The following KLK10 variants were observed in gnomAD, a reference collection of about 807,000 sequenced individuals.
The protein encoded by KLK10 is kallikrein related peptidase 10.
A neutral mutation model predicts 25.7 loss-of-function variants in KLK10; 27 were observed. The ratio of observed to expected loss-of-function variants is 1.05; its 90% CI spans 0.77 to 1.45. The LOEUF is 1.45. Among genes scored for constraint, KLK10 ranks in the 40% most tolerant of loss-of-function variants. The pLI is 0.00. For synonymous variants in KLK10, 173 were observed against 160.1 expected (o/e 1.08, Z -0.61); for missense variants, 386 against 370.0 (o/e 1.04, Z -0.35).
intron 3 of KLK10, among the ~76,000 whole-genome samples, 198 bp downstream of exon 3, chr19:51,016,912 C>G (rs574504987): frequency 6.6e-6 from 1 of 152,096 alleles, no homozygotes; most frequent in Admixed American, 6.6e-5. Flanking sequence ...AGAGGAGTGA[C>G]GGGCCCAGAA....
At position 51,014,727 on chromosome 19, in the gene KLK10, G is replaced by T; in HGVS notation, c.*73C>A. On this transcript the variant is annotated 3_prime_UTR_variant, in exon 6 of 6. Coordinates refer to ENST00000358789, the MANE Select transcript of KLK10 (RefSeq NM_145888.3). ...TCAGCCGACTGGGGAGGAAGAGGAT[G>T]GACGATGGAGCCTCTGGGCATCTGG... The T allele has an allele frequency of 6.6e-7, 1 of 1,507,426 alleles. No homozygotes were observed. The highest frequency in any genetic ancestry group is 1.2e-5 in the South Asian group (1 of 82,886). 93.4% of individuals were successfully genotyped at this position (1,507,426 alleles called of 1,614,324 possible).
At chr19:51,019,958 G>C (rs1254534959), upstream of KLK10, 1 of 152,086 alleles carries the variant, frequency 6.6e-6, no homozygotes, top group Non-Finnish European at 1.5e-5. This position sits in a 1 kb window ranked among gnomAD's most constrained non-coding sequence, Gnocchi z 4.2. Context: ...CCGGGTCCCG[G>C]TGCCAAGAAG....
In KLK10 at chr19:51,013,123, A is replaced by G. The variant is rs1054146938; in HGVS notation, c.*1677T>C. The G allele has an allele frequency of 6.6e-6, 1 of 152,066 alleles. No homozygotes were observed. The highest frequency in any genetic ancestry group is 2.4e-5 in the African/African-American group (1 of 41,376). The allele number at this position is 152,066 out of a possible 1,614,324, so 9.4% of individuals were successfully genotyped here. A position where few individuals can be genotyped will look rare whatever the true frequency, so the allele number is the denominator to read the frequency against. ...AACCCAGCTGATACGCCTGTCTGAC[A>G]TTTCCTGCGTGTGCTAATGGGGGCA... On this transcript the variant is annotated 3_prime_UTR_variant, in exon 6 of 6. Coordinates refer to ENST00000358789, the MANE Select transcript of KLK10 (RefSeq NM_145888.3).
chr19:51,019,187 G>A lies in KLK10; in HGVS notation c.-9-48C>T. The A allele has an allele frequency of 7.7e-7, 1 of 1,305,266 alleles. No homozygotes were observed. The highest frequency in any genetic ancestry group is 1.3e-5 in the South Asian group (1 of 77,378). 80.9% of individuals were successfully genotyped at this position (1,305,266 alleles called of 1,614,324 possible). On this transcript the variant is annotated intron_variant, in intron 1 of 5. Coordinates refer to ENST00000358789, the MANE Select transcript of KLK10 (RefSeq NM_145888.3). The surrounding 1 kb of genome is among the most constrained non-coding windows in gnomAD (Gnocchi z 4.2). Reference sequence around the variant, plus strand: ...GGGTTAAAACAGATGCTCCGTTAGAGACCCCCACCTCGCCGCGCTCATCCG... The same window carrying A: ...GGGTTAAAACAGATGCTCCGTTAGAAACCCCCACCTCGCCGCGCTCATCCG...
At position 51,016,176 on chromosome 19, in the gene KLK10, T is replaced by A; in HGVS notation, c.270-20A>T. On this transcript the variant is annotated intron_variant, in intron 3 of 5. Coordinates refer to ENST00000358789, the MANE Select transcript of KLK10 (RefSeq NM_145888.3). The stretch of plus-strand genomic sequence containing the variant: ...AGTGGCCTGGGGGAAGGAAGAGGCA[T>A]GTGAAGGCAAACCCTTCATAGGGAC... 6.4e-7 allele frequency: 1 copy of A among 1,552,134 alleles called. No homozygotes were observed. The highest frequency in any genetic ancestry group is 8.7e-7 in the Non-Finnish European group (1 of 1,149,600).
At chr19:51,015,290 G>T in intron 5 of KLK10, 127 bp downstream of exon 5, 1 of 1,072,492 alleles carries the variant, frequency 9.3e-7, no homozygotes, top group Non-Finnish European at 1.4e-6. Flanking sequence ...GTTAGGTCTG[G>T]GTAAGAGTTG....
chr19:51,014,984 A>C (rs1370684393), intron 5 of KLK10, 32 bp from the exon 6 acceptor site: 1 of 1,602,228 alleles, frequency 6.2e-7, no homozygotes, highest in South Asian at 1.1e-5. Flanking sequence ...GATCAAATAA[A>C]TGTGCCAACG....
At position 51,019,413 on chromosome 19, in the gene KLK10, C is replaced by A. The variant is rs1328195992; in HGVS notation, c.-10+214G>T. Among the ~76,000 whole-genome samples the A allele has an allele frequency of 1.3e-5, 2 of 152,228 alleles. No homozygotes were observed. The highest frequency in any genetic ancestry group is 2.9e-5 in the Non-Finnish European group (2 of 68,032). The stretch of plus-strand genomic sequence containing the variant: ...CCCAGCTACCCTGGCTGCAGCCACG[C>A]CGCGCCCGAGGTTTCCCCCTCCTTC... On this transcript the variant is annotated intron_variant, in intron 1 of 5. Transcript: ENST00000358789. This position sits in a 1 kb window ranked among gnomAD's most constrained non-coding sequence, Gnocchi z 4.2.
Position 51,019,287 on chromosome 19 carries a change from A to G in KLK10, c.-9-148T>C, listed in dbSNP as rs763985198. 8.2e-5 allele frequency: 47 copies of G among 576,556 alleles called. No homozygotes were observed. Among genetic ancestry groups the G allele is most frequent in the Non-Finnish European group, 1.4e-4 (45 of 326,862 alleles). 35.7% of individuals were successfully genotyped at this position (576,556 alleles called of 1,614,324 possible). ...ATAACCCCAGGGGCTGGCAGACGGGAGATTCGGGCTGGAACAGCGGTAATG... is the reference window on the plus strand; with the variant it reads ...ATAACCCCAGGGGCTGGCAGACGGGGGATTCGGGCTGGAACAGCGGTAATG... On this transcript the variant is annotated intron_variant, in intron 1 of 5. Coordinates refer to ENST00000358789, the MANE Select transcript of KLK10 (RefSeq NM_145888.3). This position sits in a 1 kb window ranked among gnomAD's most constrained non-coding sequence, Gnocchi z 4.2.
Position 51,019,060 on chromosome 19 carries a change from A to C in KLK10, c.71T>G (p.Leu24Arg), listed in dbSNP as rs938322221. The C allele has an allele frequency of 6.2e-7, 1 of 1,604,018 alleles. No individual in the cohort carries two copies. Among genetic ancestry groups the C allele is most frequent in the Admixed American group, 1.7e-5 (1 of 59,908 alleles). The change falls in exon 2 of 6, where the codon CTG becomes CGG. Residue 24 changes from leucine (L) to arginine (R), a missense_variant. Physicochemically the swap from Leu to Arg is moderately radical, Grantham distance 102. Transcript: ENST00000358789. The surrounding 1 kb of genome is among the most constrained non-coding windows in gnomAD (Gnocchi z 4.2). Reference sequence around the variant, plus strand: ...GACCTTACCCCAGAGTTGCGCCATCAGCAGCGGCAGCAGCTTCGCCAGAGC... The same window carrying C: ...GACCTTACCCCAGAGTTGCGCCATCCGCAGCGGCAGCAGCTTCGCCAGAGC... ...ARALAKLLPL[L>R]MAQLWAAEAA...
chr19:51,017,297 A>G lies in KLK10; in HGVS notation c.89-7T>C, dbSNP rs1483836115. 1 of 1,597,660 alleles carries G rather than the reference A, an allele frequency of 6.3e-7. No individual in the cohort carries two copies. The highest frequency in any genetic ancestry group is 8.5e-7 in the Non-Finnish European group (1 of 1,173,456). ...AGCAGCGCCGCCTCTGCGGCTGGAG[A>G]AAGAAAGGGGACGGAATCAAAGCAC... On this transcript the variant is annotated splice_polypyrimidine_tract_variant and splice_region_variant and intron_variant, in intron 2 of 5. Coordinates refer to ENST00000358789, the MANE Select transcript of KLK10 (RefSeq NM_145888.3).
chr19:51,015,856 T>C, intron 4 of KLK10, 26 bp downstream of exon 4: 1 of 1,492,720 alleles, frequency 6.7e-7, no homozygotes. Flanking sequence ...CTCCTGAGGT[T>C]CCGGCCTCAG....
rs377284595 is a variant in KLK10 at position 51,015,737 on chromosome 19, C to G, written c.544+145G>C. 2.4e-4 allele frequency: 260 copies of G among 1,079,388 alleles called. 1 individual carries two copies. The East Asian group carries it at 6.1e-3, about 25-fold the overall frequency. The allele number at this position is 1,079,388 out of a possible 1,614,324, so 66.9% of individuals were successfully genotyped here. Reference sequence around the variant, plus strand: ...GCCCCCAGCCCCTCCTCCCCTCAGACTCACAGACCCAGGCATCTAGGACCC... The same window carrying G: ...GCCCCCAGCCCCTCCTCCCCTCAGAGTCACAGACCCAGGCATCTAGGACCC... On this transcript the variant is annotated intron_variant, in intron 4 of 5. Coordinates refer to ENST00000358789, the MANE Select transcript of KLK10 (RefSeq NM_145888.3).
intron 5 of KLK10, among the ~76,000 whole-genome samples, chr19:51,015,212 T>G (rs2091308413): frequency 6.8e-6 from 1 of 146,450 alleles, no homozygotes; most frequent in African/African-American, 2.5e-5. Context: ...GGGATGAAAA[T>G]GGGCTTGGAG....
Position 51,019,189 on chromosome 19 carries a change from C to A in KLK10, c.-9-50G>T, listed in dbSNP as rs2091377140. 7.8e-7 allele frequency: 1 copy of A among 1,279,324 alleles called. No individual in the cohort carries two copies. The highest frequency in any genetic ancestry group is 1.1e-6 in the Non-Finnish European group (1 of 920,618). 79.2% of individuals were successfully genotyped at this position (1,279,324 alleles called of 1,614,324 possible). On this transcript the variant is annotated intron_variant, in intron 1 of 5. Transcript: ENST00000358789. The surrounding 1 kb of genome is among the most constrained non-coding windows in gnomAD (Gnocchi z 4.2). Reference sequence around the variant, plus strand: ...GTTAAAACAGATGCTCCGTTAGAGACCCCCACCTCGCCGCGCTCATCCGCC... The same window carrying A: ...GTTAAAACAGATGCTCCGTTAGAGAACCCCACCTCGCCGCGCTCATCCGCC...
At position 51,019,600 on chromosome 19, in the gene KLK10, A is replaced by C. The variant is rs1600144717; in HGVS notation, c.-10+27T>G. ...ACCCATCCTCTCGCAATCCACCCCAACCCGGGTGGGGTGCAGGTAGCTTCA... is the reference window on the plus strand; with the variant it reads ...ACCCATCCTCTCGCAATCCACCCCACCCCGGGTGGGGTGCAGGTAGCTTCA... On this transcript the variant is annotated intron_variant, in intron 1 of 5. Coordinates refer to ENST00000358789, the MANE Select transcript of KLK10 (RefSeq NM_145888.3). The surrounding 1 kb of genome is among the most constrained non-coding windows in gnomAD (Gnocchi z 4.2). 1 of 153,138 alleles carries C rather than the reference A, an allele frequency of 6.5e-6. No individual in the cohort carries two copies. The highest frequency in any genetic ancestry group is 1.5e-5 in the Non-Finnish European group (1 of 68,890). 9.5% of individuals were successfully genotyped at this position (153,138 alleles called of 1,614,324 possible).
Position 51,014,850 on chromosome 19 carries a change from G to C in KLK10, c.781C>G (p.Gln261Glu), listed in dbSNP as rs137921903. The change falls in exon 6 of 6, where the codon CAG becomes GAG. Residue 261 changes from glutamine to glutamate, a missense_variant. Physicochemically the swap from Gln to Glu is conservative, Grantham distance 29. Transcript: ENST00000358789. ...GSAQHPAVYT[Q>E]ICKYMSWINK... ...ATCCAGGACATGTATTTGCAGATCT[G>C]GGTGTAGACAGCTGGATGCTGGGCA... 3.1e-5 allele frequency: 50 copies of C among 1,614,012 alleles called. No homozygotes were observed. Among genetic ancestry groups the C allele is most frequent in the Non-Finnish European group, 4.0e-5 (47 of 1,179,984 alleles).
rs1292141067 is a variant in KLK10 at position 51,015,475 on chromosome 19, C to T, written c.620G>A (p.Gly207Asp). The change falls in exon 5 of 6, where the codon GGC (glycine) becomes GAC (aspartate). Residue 207 changes from glycine (G) to aspartate (D), a missense_variant. Physicochemically the swap from Gly to Asp is moderately conservative, Grantham distance 94. Transcript: ENST00000358789. ...SPKECEVFYP[G>D]VVTNNMICAG... Reference sequence around the variant, plus strand: ...ACATATCATGTTGTTGGTGACCACGCCAGGGTAGAAGACCTCACACTCTTT... The same window carrying T: ...ACATATCATGTTGTTGGTGACCACGTCAGGGTAGAAGACCTCACACTCTTT... 1 of 1,613,862 alleles carries T rather than the reference C, an allele frequency of 6.2e-7. No individual in the cohort carries two copies. Among genetic ancestry groups the T allele is most frequent in the South Asian group, 1.1e-5 (1 of 91,076 alleles).
chr19:51,017,208 C>T lies in KLK10; in HGVS notation c.171G>A (p.Gln57=), dbSNP rs1211090862. 1 of 1,612,222 alleles carries T rather than the reference C, an allele frequency of 6.2e-7. No homozygotes were observed. The change falls in exon 3 of 6, where the codon CAG becomes CAA. Residue 57 remains glutamine, a synonymous_variant. Transcript: ENST00000358789. ...AYGSPCARGS[Q]PWQVSLFNGL... Reference sequence around the variant, plus strand: ...CGTTGAAGAGCGAGACCTGCCAGGGCTGCGAGCCGCGCGCGCACGGGGAGC... The same window carrying T: ...CGTTGAAGAGCGAGACCTGCCAGGGTTGCGAGCCGCGCGCGCACGGGGAGC...
Sources: allele counts gnomAD v4.1 joint callset (sites outside exome capture counted in the v4.1 genomes callset), GRCh38; gene constraint gnomAD v4.1.1; non-coding constraint Gnocchi (gnomAD v3.1); transcripts MANE v1.5; gene names NCBI Gene and HGNC (gene_info 2026-07-23, HGNC 2026-07-21).